SYNE1: variants seen among roughly 807,000 people sequenced by gnomAD.
SYNE1 encodes nesprin-1.
Under a neutral mutation model 1,111.0 loss-of-function variants are expected in SYNE1, and 616 were observed. The ratio of observed to expected loss-of-function variants is 0.55; its 90% confidence interval spans 0.52 to 0.59. The LOEUF is 0.59. SYNE1 is among the 20% of genes least tolerant of loss of function. The pLI, the probability that SYNE1 is intolerant of heterozygous loss-of-function variation, is 0.00. For missense variants in SYNE1, 10,006 were observed against 10,417.0 expected (o/e 0.96, Z 1.72); for synonymous variants, 3,855 against 3,825.8 (o/e 1.01, Z -0.28).
chr6:152,198,374 C>T (rs1046351775), intron 127 of SYNE1, among the ~76,000 whole-genome samples: 2 of 152,174 alleles, frequency 1.3e-5, no homozygotes, highest in Non-Finnish European at 2.9e-5. Context: ...ATCTTTTATT[C>T]AGACCACTCA....
intron 4 of SYNE1, among the ~76,000 whole-genome samples, chr6:152,536,365 T>C (rs1289646993): frequency 1.1e-5 from 1 of 87,014 alleles, no homozygotes; most frequent in African/African-American, 4.4e-5. Context: ...AGTATACTAA[T>C]ATATATATAG....
chr6:152,615,686 T>G (rs945382566), intron 3 of SYNE1, among the ~76,000 whole-genome samples: 5 of 152,242 alleles, frequency 3.3e-5, no homozygotes, highest in East Asian at 3.8e-4. Flanking sequence ...GTTATTAAAT[T>G]TATTAATTAT....
chr6:152,394,770 C>CT (rs796447831), intron 51 of SYNE1, among the ~76,000 whole-genome samples: 20 of 142,846 alleles, frequency 1.4e-4, no homozygotes, highest in East Asian at 4.3e-4. Context: ...ATACAGTACT[C>CT]TTTTTTTTTT....
chr6:152,213,910 G>A (rs1331241945), intron 122 of SYNE1, 151 bp from the exon 123 acceptor site: 13 of 978,946 alleles, frequency 1.3e-5, no homozygotes, highest in Non-Finnish European at 2.0e-5. Context: ...TTTTAAAAAA[G>A]AAGAAAGAGG....
chr6:152,563,367 C>G (rs1455919591), intron 3 of SYNE1, among the ~76,000 whole-genome samples: 1 of 151,976 alleles, frequency 6.6e-6, no homozygotes, highest in Admixed American at 6.6e-5. Context: ...CCAAATGCAC[C>G]GCTCCCCAGT....
rs1318342761 is a variant in SYNE1 at position 152,136,752 on chromosome 6, A to T, written c.25525T>A (p.Phe8509Ile). 1.9e-6 allele frequency: 3 copies of T among 1,614,116 alleles called. No homozygotes were observed. In the South Asian group the frequency reaches 3.3e-5, roughly 18 times the overall value. ...CTCTCCTTGCTGTCAGCCTGGGTGA[A>T]CTCAGGGCTGCAGAGATTGATGGAG... is the stretch of plus-strand genomic sequence containing the variant. Reference protein sequence around the residue: ...ILSINLCSPEFTQADSKESRD... With the variant: ...ILSINLCSPEITQADSKESRD... Residue 8509 changes from phenylalanine to isoleucine, a missense_variant, in exon 141 of 146, where the codon TTC (phenylalanine) becomes ATC (isoleucine). By Grantham distance (21) the Phe-to-Ile change is conservative (BLOSUM62 0). This residue lies in a region of SYNE1 where 761 missense variants were observed against 795.5 expected (regional missense o/e 0.96). Transcript: ENST00000367255.
At chr6:152,445,699 T>G (rs901498430) in intron 29 of SYNE1, among the ~76,000 whole-genome samples, 1 of 151,954 alleles carries the variant, frequency 6.6e-6, no homozygotes, top group East Asian at 1.9e-4. Flanking sequence ...TCACTGTATC[T>G]TGTGCATCCA....
chr6:152,506,312 G>T lies in SYNE1; in HGVS notation c.582-915C>A, dbSNP rs187143950. ...GCTGCACCCCTTGAATAAGTGGAGG[G>T]CCTGCAAATATGATCACTTAACTAG... On this transcript the variant is annotated intron_variant, in intron 8 of 145. Transcript: ENST00000367255. 3.6e-3 allele frequency among the ~76,000 whole-genome samples: 540 copies of T among 152,068 alleles called. 1 individual carries two copies. The highest frequency in any genetic ancestry group is 6.5e-3 in the Non-Finnish European group (440 of 67,992).
intron 28 of SYNE1, 150 bp from the exon 29 acceptor site, chr6:152,447,772 T>TTGTA (rs1247134039): frequency 2.2e-6 from 2 of 892,228 alleles, no homozygotes; most frequent in African/African-American, 3.3e-5. Context: ...AGTTTACTTT[T>TTGTA]TGTATGTACT....
intron 95 of SYNE1, among the ~76,000 whole-genome samples, chr6:152,284,628 TTTTTTTTTTA>T (rs1253214259): frequency 4.7e-5 from 7 of 147,372 alleles, no homozygotes; most frequent in Non-Finnish European, 6.0e-5. Flanking sequence ...TTTTTTTTTT[TTTTTTTTTTA>T]CTTTTTGTAA....
At chr6:152,367,720 C>A (rs1028685750) in intron 61 of SYNE1, 3 of 321,292 alleles carry the variant, frequency 9.3e-6, no homozygotes, top group Non-Finnish European at 1.8e-5. Flanking sequence ...ACATTAGGCT[C>A]ACCTGACACA....
chr6:152,172,746 T>C (rs755357261), intron 130 of SYNE1, among the ~76,000 whole-genome samples: 8 of 152,164 alleles, frequency 5.3e-5, no homozygotes, highest in Non-Finnish European at 1.2e-4. Context: ...AATGACAGCT[T>C]CTTATGTTGA....
intron 42 of SYNE1, among the ~76,000 whole-genome samples, chr6:152,411,866 G>A (rs1485087668): frequency 1.3e-5 from 2 of 152,108 alleles, no homozygotes; most frequent in African/African-American, 2.4e-5. Context: ...TGGTGTGAGT[G>A]CAAAATGGTG....
chr6:152,371,296 T>C (rs959786940), intron 59 of SYNE1, among the ~76,000 whole-genome samples: 1 of 151,518 alleles, frequency 6.6e-6, no homozygotes, highest in Non-Finnish European at 1.5e-5. Flanking sequence ...TGAGTTCTCA[T>C]GAGATCTGAC....
At chr6:152,201,742 A>G in intron 127 of SYNE1, 82 bp downstream of exon 127, 1 of 1,603,782 alleles carries the variant, frequency 6.2e-7, no homozygotes, top group East Asian at 2.2e-5. Flanking sequence ...AGATAACCTA[A>G]GAGTTTGACT....
At chr6:152,625,617 C>A (rs1243767324) in intron 3 of SYNE1, among the ~76,000 whole-genome samples, 1 of 151,964 alleles carries the variant, frequency 6.6e-6, no homozygotes, top group Admixed American at 6.6e-5. Flanking sequence ...TGTCAGGTAC[C>A]CTTATGCCAC....
chr6:152,150,820 T>A lies in SYNE1; in HGVS notation c.24450+733A>T, dbSNP rs1194042635. Among the ~76,000 whole-genome samples the A allele has an allele frequency of 2.0e-5, 3 of 152,198 alleles. 1 individual carries two copies. The highest frequency in any genetic ancestry group is 4.4e-5 in the Non-Finnish European group (3 of 68,036). ...ATCTAAGAATGCAGACTATGAGGAATGAAATCCCGACATAGGAAAGTTGTA... is the reference window on the plus strand; with the variant it reads ...ATCTAAGAATGCAGACTATGAGGAAAGAAATCCCGACATAGGAAAGTTGTA... On this transcript the variant is annotated intron_variant, in intron 135 of 145. Coordinates refer to ENST00000367255, the MANE Select transcript of SYNE1 (RefSeq NM_182961.4).
intron 119 of SYNE1, 31 bp downstream of exon 119, chr6:152,220,811 G>C (rs373697351): frequency 6.2e-7 from 1 of 1,601,728 alleles, no homozygotes; most frequent in Admixed American, 1.7e-5. Context: ...AGAAGGGCAT[G>C]TGGGGAAAAC....
chr6:152,523,768 T>C (rs1372137200), intron 5 of SYNE1, among the ~76,000 whole-genome samples: 1 of 152,112 alleles, frequency 6.6e-6, no homozygotes, highest in Non-Finnish European at 1.5e-5. Context: ...ATCTTTCAAC[T>C]CCTTGATTAA....
Sources: gnomAD v4.1 joint callset for allele counts (sites outside exome capture counted in the v4.1 genomes callset) on GRCh38, gnomAD v4.1.1 for gene constraint, gnomAD v4.1.1 regional missense constraint, MANE v1.5 for transcripts, NCBI Gene and HGNC (gene_info 2026-07-23, HGNC 2026-07-21) for gene names.